Variants in MTCL3 observed in about 807,000 individuals in gnomAD.
The protein encoded by MTCL3 is MTCL family member 3.
At chr6:127,510,981 G>A in the MTCL3 span, among the ~76,000 whole-genome samples, 10 of 152,220 alleles carry the variant, frequency 6.6e-5, no homozygotes, top group Admixed American at 1.3e-4. Context: ...CCAGCTCTTA[G>A]GGAGGCAGAG....
the MTCL3 span, chr6:127,517,591 C>A: frequency 6.6e-6 from 1 of 152,136 alleles, no homozygotes; most frequent in Non-Finnish European, 1.5e-5. Flanking sequence ...TCATTCTTAG[C>A]CATCTTCTTA....
chr6:127,507,842 CAAA>C, the MTCL3 span, among the ~76,000 whole-genome samples: 15 of 82,070 alleles, frequency 1.8e-4, no homozygotes, highest in African/African-American at 5.1e-4. Context: ...GACTATGTCT[CAAA>C]AAAAAAAAAA....
At chr6:127,491,103 G>A in the MTCL3 span, among the ~76,000 whole-genome samples, 2 of 152,202 alleles carry the variant, frequency 1.3e-5, no homozygotes, top group African/African-American at 4.8e-5. Flanking sequence ...GAAATGAACT[G>A]TATTCCTTGT....
At chr6:127,505,967 A>G in the MTCL3 span, among the ~76,000 whole-genome samples, 1 of 152,202 alleles carries the variant, frequency 6.6e-6, no homozygotes, top group African/African-American at 2.4e-5. Flanking sequence ...GAGATGGATA[A>G]CTGACAAAGT....
the MTCL3 span, among the ~76,000 whole-genome samples, chr6:127,500,694 A>T: frequency 6.6e-6 from 1 of 152,184 alleles, no homozygotes; most frequent in Non-Finnish European, 1.5e-5. Flanking sequence ...ACCTTCCCAC[A>T]GGCTTTAAAA....
chr6:127,494,661 A>C, the MTCL3 span, among the ~76,000 whole-genome samples: 2 of 152,330 alleles, frequency 1.3e-5, no homozygotes, highest in South Asian at 4.1e-4. Flanking sequence ...TTATGATACA[A>C]TTAACTCTTT....
the MTCL3 span, among the ~76,000 whole-genome samples, chr6:127,505,300 G>A: frequency 6.6e-6 from 1 of 152,150 alleles, no homozygotes; most frequent in Non-Finnish European, 1.5e-5. Context: ...GGATAAAGAA[G>A]AATGTGGTAC....
the MTCL3 span, chr6:127,514,813 C>T: frequency 6.2e-7 from 1 of 1,605,116 alleles, no homozygotes; most frequent in East Asian, 2.2e-5. Context: ...TGAGCCCCCG[C>T]GCCGCAGACC....
chr6:127,505,129 G>A, the MTCL3 span, among the ~76,000 whole-genome samples: 3 of 152,162 alleles, frequency 2.0e-5, no homozygotes, highest in Admixed American at 2.0e-4. Context: ...GATTATTAGG[G>A]AGTTTCAACT....
chr6:127,472,988 A>G, the MTCL3 span: 1 of 550,002 alleles, frequency 1.8e-6, no homozygotes, highest in Non-Finnish European at 2.3e-6. Context: ...TATATTCAGT[A>G]TGCCAATTAT....
the MTCL3 span, among the ~76,000 whole-genome samples, chr6:127,508,484 T>C: frequency 5.3e-5 from 8 of 152,190 alleles, no homozygotes; most frequent in Admixed American, 2.6e-4. Context: ...AGATCTATTA[T>C]ACCAAGTGCA....
the MTCL3 span, among the ~76,000 whole-genome samples, chr6:127,506,870 C>A: frequency 3.7e-4 from 56 of 152,246 alleles, no homozygotes; most frequent in Non-Finnish European, 6.6e-4. Flanking sequence ...TGAGCCACCA[C>A]GCCCGGCCTC....
At chr6:127,476,113 T>A in the MTCL3 span, 1 of 1,614,182 alleles carries the variant, frequency 6.2e-7, no homozygotes, top group Admixed American at 1.7e-5. This position sits in a 1 kb window ranked among gnomAD's most constrained non-coding sequence, Gnocchi z 4.4. Context: ...GGATTCGCTC[T>A]GCTCCCTCAT....
the MTCL3 span, among the ~76,000 whole-genome samples, chr6:127,476,928 G>A: frequency 2.6e-5 from 4 of 152,194 alleles, no homozygotes; most frequent in East Asian, 7.7e-4. This position sits in a 1 kb window ranked among gnomAD's most constrained non-coding sequence, Gnocchi z 4.4. Context: ...TTAATATTCA[G>A]AGTAAACTTA....
the MTCL3 span, chr6:127,518,532 A>C: frequency 6.6e-6 from 1 of 152,020 alleles, no homozygotes; most frequent in East Asian, 1.9e-4. Context: ...CTGCTAACCC[A>C]CCCCATCATT....
At chr6:127,515,152 C>CCT in the MTCL3 span, 1 of 1,035,858 alleles carries the variant, frequency 9.7e-7, no homozygotes, top group Non-Finnish European at 1.5e-6. The surrounding 1 kb of genome is among the most constrained non-coding windows in gnomAD (Gnocchi z 4.3). Context: ...CTTTAATTGC[C>CCT]CTCTCTCTCC....
At chr6:127,492,363 T>C in the MTCL3 span, among the ~76,000 whole-genome samples, 2 of 152,000 alleles carry the variant, frequency 1.3e-5, no homozygotes, top group Admixed American at 6.6e-5. Flanking sequence ...TTCAGATTTA[T>C]AAACAATATC....
chr6:127,515,665 C>T, the MTCL3 span: 1 of 1,499,090 alleles, frequency 6.7e-7, no homozygotes, highest in Non-Finnish European at 8.8e-7. This position sits in a 1 kb window ranked among gnomAD's most constrained non-coding sequence, Gnocchi z 4.3. Context: ...CTGCTGGGGG[C>T]CCTCCGCCGC....
chr6:127,516,137 G>A, the MTCL3 span: 4 of 1,450,954 alleles, frequency 2.8e-6, no homozygotes, highest in East Asian at 1.0e-4. Context: ...AGCGGAGGGG[G>A]TTCCCCGAGT....
Sources: allele counts gnomAD v4.1 joint callset (sites outside exome capture counted in the v4.1 genomes callset), GRCh38; gene constraint gnomAD v4.1.1; non-coding constraint Gnocchi (gnomAD v3.1); transcripts MANE v1.5; gene names NCBI Gene and HGNC (gene_info 2026-07-23, HGNC 2026-07-21).